Variants in PPRC1 observed in about 807,000 individuals in gnomAD.
The protein encoded by PPRC1 is PPARG related coactivator 1, also known as peroxisome proliferator-activated receptor gamma coactivator-related protein 1.
In PPRC1, 23 loss-of-function variants were observed where a neutral mutation model predicts 132.5. The observed-to-expected ratio is 0.17, with a 90% CI of 0.12 to 0.25. The LOEUF (loss-of-function observed/expected upper bound fraction) is 0.25, where lower values mean the gene tolerates loss of function less well. Among genes scored for constraint, PPRC1 ranks in the 10% least tolerant of loss-of-function variants. The probability of loss-of-function intolerance (pLI) is 1.00; values close to 1 mark genes in which losing one functional copy is unlikely to be tolerated. For missense variants in PPRC1, 2,006 were observed against 2,089.1 expected, an observed-to-expected ratio of 0.96 and a Z score of 0.78; for synonymous variants, 872 against 833.5, an observed-to-expected ratio of 1.05 and a Z score of -0.80.
chr10:102,139,203 C>T lies in PPRC1; in HGVS notation c.695C>T (p.Pro232Leu). 6.2e-7 allele frequency: 1 copy of T among 1,614,170 alleles called. No individual in the cohort carries two copies. Among genetic ancestry groups the T allele is most frequent in the Non-Finnish European group, 8.5e-7 (1 of 1,180,028 alleles). ...LPSWRPPRSR[P>L]RWGQSPPPQQ... ...AGCTGGAGACCCCCAAGATCAAGAC[C>T]ACGCTGGGGCCAATCCCCACCTCCC... Residue 232 changes from proline (P) to leucine (L), a missense_variant, in exon 5 of 14, where the codon CCA (proline) becomes CTA (leucine). Physicochemically the swap from Pro to Leu is moderately conservative, Grantham distance 98. Coordinates refer to ENST00000278070, the MANE Select transcript of PPRC1 (RefSeq NM_015062.5).
At chr10:102,133,341 G>T in intron 1 of PPRC1, 120 bp downstream of exon 1, 11 of 937,746 alleles carry the variant, frequency 1.2e-5, no homozygotes, top group Non-Finnish European at 1.5e-5. Flanking sequence ...GGCCGCGGGA[G>T]CCGGGCCGGA....
chr10:102,149,865 T>TG, intron 13 of PPRC1, 61 bp from the exon 14 acceptor site: 1 of 1,310,366 alleles, frequency 7.6e-7, no homozygotes, highest in South Asian at 1.2e-5. Flanking sequence ...GCTAGCCATT[T>TG]GCAGACCCTG....
At chr10:102,143,162 C>T in intron 6 of PPRC1, 64 bp downstream of exon 6, 1 of 1,489,680 alleles carries the variant, frequency 6.7e-7, no homozygotes, top group South Asian at 1.2e-5. Context: ...GGGCCCAGCC[C>T]TGTAGTTGCT....
chr10:102,124,601 A>G, the PPRC1 span, among the ~76,000 whole-genome samples: 2 of 150,780 alleles, frequency 1.3e-5, no homozygotes, highest in African/African-American at 2.4e-5. Flanking sequence ...TCGGCCTCCC[A>G]AAGTGTTGGG....
In PPRC1 at chr10:102,142,400, C is replaced by CT. The variant is rs71016364; in HGVS notation, c.3496+432dup. 3.3e-5 allele frequency among the ~76,000 whole-genome samples: 2 copies of CT among 61,234 alleles called. 1 individual carries two copies. Among genetic ancestry groups the CT allele is most frequent in the Non-Finnish European group, 6.2e-5 (2 of 32,454 alleles). The allele number at this position is 61,234 out of a possible 152,430, so 40.2% of individuals were successfully genotyped here. On this transcript the variant is annotated intron_variant, in intron 5 of 13. Coordinates refer to ENST00000278070, the MANE Select transcript of PPRC1 (RefSeq NM_015062.5). ...ATAGGCGTGAGCCGCTGCACCATGC[C>CT]TTTTTTTTTTTTTTTTTTTTTTTTT... is the stretch of plus-strand genomic sequence containing the variant.
At chr10:102,142,342 C>T (rs1293329750) in intron 5 of PPRC1, among the ~76,000 whole-genome samples, 1 of 147,318 alleles carries the variant, frequency 6.8e-6, no homozygotes, top group Non-Finnish European at 1.5e-5. Context: ...ATCTCGTGAT[C>T]CGCCTACCTC....
chr10:102,140,390 G>A lies in PPRC1; in HGVS notation c.1882G>A (p.Glu628Lys). Residue 628 changes from glutamate (E) to lysine (K), a missense_variant, in exon 5 of 14, where the codon GAG becomes AAG. By Grantham distance (56) the Glu-to-Lys change is moderately conservative (BLOSUM62 1). Transcript: ENST00000278070. Reference protein sequence around the residue: ...SSELVEPLPAEPVLINPVLAD... With the variant: ...SSELVEPLPAKPVLINPVLAD... ...AGAACTGGTTGAGCCTCTCCCGGCT[G>A]AGCCAGTGCTGATCAACCCAGTCCT... 6.2e-7 allele frequency: 1 copy of A among 1,614,194 alleles called. No individual in the cohort carries two copies. The highest frequency in any genetic ancestry group is 8.5e-7 in the Non-Finnish European group (1 of 1,180,036).
chr10:102,141,242 G>A lies in PPRC1; in HGVS notation c.2734G>A (p.Asp912Asn). The change falls in exon 5 of 14, where the codon GAT (aspartate) becomes AAT (asparagine). Residue 912 changes from aspartate (D) to asparagine (N), a missense_variant. Coordinates refer to ENST00000278070, the MANE Select transcript of PPRC1 (RefSeq NM_015062.5). ...ATTGTCTATGGGGCCAGTACTACCT[G>A]ATCCGTTTACTCACTATGCCCCCTT... is the stretch of plus-strand genomic sequence containing the variant. ...LPLSMGPVLP[D>N]PFTHYAPLPS... The A allele has an allele frequency of 6.2e-7, 1 of 1,613,924 alleles. No individual in the cohort carries two copies. The highest frequency in any genetic ancestry group is 8.5e-7 in the Non-Finnish European group (1 of 1,179,984).
At chr10:102,125,369 CT>C in the PPRC1 span, among the ~76,000 whole-genome samples, 1 of 152,000 alleles carries the variant, frequency 6.6e-6, no homozygotes, top group Admixed American at 6.6e-5. Flanking sequence ...AGCAATTCCC[CT>C]GCCTCAGCCT....
chr10:102,133,100 T>TC lies in PPRC1; in HGVS notation c.33dup (p.Ala12ArgfsTer45). 1 of 1,243,114 alleles carries TC rather than the reference T, an allele frequency of 8.0e-7. No individual in the cohort carries two copies. Among genetic ancestry groups the TC allele is most frequent in the Non-Finnish European group, 1.0e-6 (1 of 988,062 alleles). The allele number at this position is 1,243,114 out of a possible 1,614,324, so 77.0% of individuals were successfully genotyped here. ...GCGCGCCGGGGACGGAGAGACGGAG[T>TC]CGCGCCGCCCCCGAGTGGGGGCCCC... On this transcript the variant is annotated frameshift_variant, in exon 1 of 14. Coordinates refer to ENST00000278070, the MANE Select transcript of PPRC1 (RefSeq NM_015062.5). LOFTEE classifies it high-confidence loss of function.
Position 102,145,165 on chromosome 10 carries a change from T to C in PPRC1, c.3679+75T>C, listed in dbSNP as rs928580683. 7 of 1,391,424 alleles carry C rather than the reference T, an allele frequency of 5.0e-6. No individual in the cohort carries two copies. In the African/African-American group the frequency reaches 8.6e-5, roughly 17 times the overall value. 86.2% of individuals were successfully genotyped at this position (1,391,424 alleles called of 1,614,324 possible). A position where few individuals can be genotyped will look rare whatever the true frequency, so the allele number is the denominator to read the frequency against. On this transcript the variant is annotated intron_variant, in intron 8 of 13. Coordinates refer to ENST00000278070, the MANE Select transcript of PPRC1 (RefSeq NM_015062.5). ...CTTGCTGAGCCTACTCCAAATCCAT[T>C]GTGTGTAGGCGTTAAGGACATAGAG...
At chr10:102,121,143 G>A in the PPRC1 span, among the ~76,000 whole-genome samples, 36 of 152,292 alleles carry the variant, frequency 2.4e-4, no homozygotes, top group South Asian at 6.0e-3. Context: ...GTTTTGCTGG[G>A]GGGAGGGGGC....
chr10:102,140,784 G>A lies in PPRC1; in HGVS notation c.2276G>A (p.Arg759Gln). Residue 759 changes from arginine to glutamine, a missense_variant, in exon 5 of 14, where the codon CGA (arginine) becomes CAA (glutamine). Physicochemically the swap from Arg to Gln is conservative, Grantham distance 43. Coordinates refer to ENST00000278070, the MANE Select transcript of PPRC1 (RefSeq NM_015062.5). ...CTCAGCTTATCTGAGTACCGGCGAC[G>A]AAGGCAGCAACGCCAAGCAGAAACA... ...RPLSLSEYRR[R>Q]RQQRQAETEE... 1 of 1,613,854 alleles carries A rather than the reference G, an allele frequency of 6.2e-7. No individual in the cohort carries two copies. Among genetic ancestry groups the A allele is most frequent in the Non-Finnish European group, 8.5e-7 (1 of 1,179,986 alleles).
At chr10:102,128,866 G>T (rs1279012484), upstream of PPRC1, among the ~76,000 whole-genome samples, 2 of 147,278 alleles carry the variant, frequency 1.4e-5, no homozygotes, top group African/African-American at 2.5e-5. Context: ...CGCCCGCCTC[G>T]GCCTCCCAAA....
the PPRC1 span, among the ~76,000 whole-genome samples, chr10:102,126,879 C>A: frequency 6.6e-6 from 1 of 151,740 alleles, no homozygotes; most frequent in African/African-American, 2.4e-5. Flanking sequence ...TCATTATTTA[C>A]AAACATCAGT....
chr10:102,120,444 T>G, the PPRC1 span: 1 of 963,036 alleles, frequency 1.0e-6, no homozygotes, highest in Non-Finnish European at 1.2e-6. Context: ...CGCCCCCCTC[T>G]CCGCCCTCGC....
intron 7 of PPRC1, 90 bp downstream of exon 7, chr10:102,144,397 C>A: frequency 7.9e-7 from 1 of 1,263,312 alleles, no homozygotes. Context: ...GCCTCTGTTG[C>A]AGGGACGCTG....
chr10:102,146,713 C>T lies in PPRC1; in HGVS notation c.3721C>T (p.Pro1241Ser). 1 of 1,613,612 alleles carries T rather than the reference C, an allele frequency of 6.2e-7. No homozygotes were observed. The highest frequency in any genetic ancestry group is 8.5e-7 in the Non-Finnish European group (1 of 1,179,804). The change falls in exon 9 of 14, where the codon CCC (proline) becomes TCC (serine). Residue 1241 changes from proline (P) to serine (S), a missense_variant. Coordinates refer to ENST00000278070, the MANE Select transcript of PPRC1 (RefSeq NM_015062.5). ...TACCCCTCCCCACCAGTTATGGAAG[C>T]CCCTGGCTGCTGTCTCACTGCTGGC... ...PATPPHQLWK[P>S]LAAVSLLAKA...
the PPRC1 span, among the ~76,000 whole-genome samples, chr10:102,127,016 T>G: frequency 1.1e-5 from 1 of 91,120 alleles, no homozygotes; most frequent in African/African-American, 3.8e-5. Context: ...ATATGGTTTT[T>G]TATCATATAT....
Sources: gnomAD v4.1 joint callset for allele counts (sites outside exome capture counted in the v4.1 genomes callset) on GRCh38, gnomAD v4.1.1 for gene constraint, MANE v1.5 for transcripts, NCBI Gene and HGNC (gene_info 2026-07-23, HGNC 2026-07-21) for gene names.